SUMF1: variants seen among roughly 807,000 people sequenced by gnomAD.
SUMF1 encodes formylglycine-generating enzyme.
SUMF1 carries 48 observed loss-of-function variants against 47.6 expected under a neutral mutation model. The ratio of observed to expected loss-of-function variants is 1.01; its 90% confidence interval spans 0.80 to 1.28. The LOEUF (loss-of-function observed/expected upper bound fraction) is 1.28. Among genes scored for constraint, SUMF1 ranks in the 50% most tolerant of loss-of-function variants. The pLI, the probability that SUMF1 is intolerant of heterozygous loss-of-function variation, is 0.00. For synonymous variants in SUMF1, 230 were observed against 192.1 expected (o/e 1.20, Z -1.63); for missense variants, 571 against 485.4 (o/e 1.18, Z -1.66).
In SUMF1 at chr3:4,105,912, A is replaced by G. The variant is rs559107127; in HGVS notation, c.1015-37167T>C. ...TATGTGGTTTATTTAATAAACTACA[A>G]ATCACGATTTCCATAATTTGGCAAC... On this transcript the variant is annotated intron_variant and NMD_transcript_variant, in intron 8 of 12. Transcript: ENST00000448413. Among the ~76,000 whole-genome samples, 10 of 152,238 alleles carry G rather than the reference A, an allele frequency of 6.6e-5. 1 individual carries two copies. In the South Asian group the frequency reaches 1.9e-3, roughly 28 times the overall value.
chr3:4,159,284 T>A (rs1194570353), intron 8 of SUMF1, among the ~76,000 whole-genome samples: 2 of 150,768 alleles, frequency 1.3e-5, no homozygotes, highest in Non-Finnish European at 2.9e-5. Context: ...TTTTTTTTTT[T>A]ATTTTTTGTG....
intron 8 of SUMF1, among the ~76,000 whole-genome samples, chr3:4,132,873 A>G (rs1693824820): frequency 6.6e-6 from 1 of 152,130 alleles, no homozygotes; most frequent in South Asian, 2.1e-4. Context: ...GCATCTCTTA[A>G]CATTACCATG....
At chr3:4,089,901 T>C (rs897409550) in intron 8 of SUMF1, among the ~76,000 whole-genome samples, 1 of 152,188 alleles carries the variant, frequency 6.6e-6, no homozygotes, top group African/African-American at 2.4e-5. Flanking sequence ...AATCTCAGAC[T>C]GGTTCCTTTG....
At chr3:4,451,229 A>G (rs1194004212) in intron 2 of SUMF1, among the ~76,000 whole-genome samples, 1 of 152,154 alleles carries the variant, frequency 6.6e-6, no homozygotes, top group Non-Finnish European at 1.5e-5. Context: ...CATAATTATC[A>G]TATTTCAAAG....
At chr3:4,100,212 A>C (rs1216966033) in intron 8 of SUMF1, among the ~76,000 whole-genome samples, 1 of 152,024 alleles carries the variant, frequency 6.6e-6, no homozygotes, top group Non-Finnish European at 1.5e-5. Context: ...ATGGAACCAC[A>C]AAAGACACTG....
chr3:4,102,166 C>A (rs1162230474), intron 8 of SUMF1, among the ~76,000 whole-genome samples: 1 of 152,104 alleles, frequency 6.6e-6, no homozygotes, highest in Admixed American at 6.5e-5. Flanking sequence ...GGGATACAGC[C>A]AAGTCATATC....
chr3:4,320,254 G>T (rs532545722), intron 8 of SUMF1, among the ~76,000 whole-genome samples: 3 of 152,166 alleles, frequency 2.0e-5, no homozygotes, highest in Admixed American at 6.5e-5. Context: ...AGGGGTGAAA[G>T]GTGCTGATCT....
chr3:4,163,961 CAG>C (rs1350561098), intron 8 of SUMF1, among the ~76,000 whole-genome samples: 6 of 152,118 alleles, frequency 3.9e-5, no homozygotes, highest in Admixed American at 6.5e-5. Context: ...AGAAGCCAAA[CAG>C]AAAGTCAGCA....
intron 8 of SUMF1, among the ~76,000 whole-genome samples, chr3:4,180,879 G>C (rs1433779832): frequency 6.6e-6 from 1 of 151,832 alleles, no homozygotes; most frequent in East Asian, 1.9e-4. Context: ...AATAAACTTG[G>C]AGTCCCCACA....
intron 8 of SUMF1, among the ~76,000 whole-genome samples, chr3:4,326,883 C>A (rs1389305873): frequency 6.6e-6 from 1 of 152,112 alleles, no homozygotes; most frequent in Non-Finnish European, 1.5e-5. Flanking sequence ...CTGGTCATAT[C>A]TGAAAATATG....
intron 8 of SUMF1, among the ~76,000 whole-genome samples, chr3:4,172,317 T>A (rs1694849284): frequency 6.6e-6 from 1 of 152,052 alleles, no homozygotes; most frequent in Non-Finnish European, 1.5e-5. Flanking sequence ...AGGAGAGACA[T>A]GCAGGAAATA....
chr3:4,257,416 C>G (rs62259760), intron 8 of SUMF1, among the ~76,000 whole-genome samples: 6,894 of 60,636 alleles, frequency 0.11, no homozygotes, highest in South Asian at 0.14. Context: ...AGCAAAGTCT[C>G]AGGATACAAA....
At chr3:4,094,319 G>A (rs1265520652) in intron 8 of SUMF1, among the ~76,000 whole-genome samples, 1 of 152,042 alleles carries the variant, frequency 6.6e-6, no homozygotes, top group Admixed American at 6.6e-5. Flanking sequence ...AGGCACTGGA[G>A]ATAGAAAGAT....
At chr3:4,294,931 T>A (rs778136978) in intron 8 of SUMF1, among the ~76,000 whole-genome samples, 14 of 152,148 alleles carry the variant, frequency 9.2e-5, no homozygotes, top group Non-Finnish European at 1.5e-5. Flanking sequence ...AATTCCTACG[T>A]AGAGATCCGT....
At chr3:4,164,414 A>T (rs1559526226) in intron 8 of SUMF1, among the ~76,000 whole-genome samples, 1 of 152,160 alleles carries the variant, frequency 6.6e-6, no homozygotes, top group Non-Finnish European at 1.5e-5. Context: ...TTGTTGGATC[A>T]TCCGGTTGGG....
chr3:4,459,210 ATATAAG>A (rs2125160956), intron 1 of SUMF1, among the ~76,000 whole-genome samples: 1 of 152,372 alleles, frequency 6.6e-6, no homozygotes, highest in South Asian at 2.1e-4. Context: ...CACACAAAAA[ATATAAG>A]TATGTGAGCT....
At chr3:4,425,935 C>G (rs1702054658) in intron 3 of SUMF1, among the ~76,000 whole-genome samples, 1 of 152,162 alleles carries the variant, frequency 6.6e-6, no homozygotes. Flanking sequence ...TTTATAAAAC[C>G]ATCACCATGT....
intron 8 of SUMF1, among the ~76,000 whole-genome samples, chr3:4,178,228 G>C (rs1010281900): frequency 6.6e-6 from 1 of 152,098 alleles, no homozygotes; most frequent in Non-Finnish European, 1.5e-5. Context: ...GCCTGGCAGA[G>C]ACACAACAAA....
chr3:4,161,910 G>A (rs115812303), intron 8 of SUMF1, among the ~76,000 whole-genome samples: 225 of 152,078 alleles, frequency 1.5e-3, no homozygotes, highest in African/African-American at 5.1e-3. Context: ...GAAATGTGCT[G>A]GGTCACACTG....
Sources: gnomAD v4.1 joint callset for allele counts (sites outside exome capture counted in the v4.1 genomes callset) on GRCh38, gnomAD v4.1.1 for gene constraint, MANE v1.5 for transcripts, NCBI Gene and HGNC (gene_info 2026-07-23, HGNC 2026-07-21) for gene names.